The following SH3GL3 variants were observed in gnomAD, a reference collection of about 807,000 sequenced individuals.
SH3GL3 encodes the protein endophilin-A3.
In SH3GL3, 33 loss-of-function variants were observed where a neutral mutation model predicts 47.7. The observed-to-expected ratio is 0.69, with a 90% CI of 0.52 to 0.92. SH3GL3 has a LOEUF of 0.92. Among genes scored for constraint, SH3GL3 ranks in the 40% least tolerant of loss-of-function variants. The pLI, the probability that SH3GL3 is intolerant of heterozygous loss-of-function variation, is 0.00. For synonymous variants in SH3GL3, 155 were observed against 148.8 expected, an observed-to-expected ratio of 1.04 and a Z score of -0.30; for missense variants, 363 against 417.8, an observed-to-expected ratio of 0.87 and a Z score of 1.14.
intron 8 of SH3GL3, among the ~76,000 whole-genome samples, chr15:83,607,741 G>A (rs1418816532): frequency 2.0e-5 from 3 of 151,946 alleles, no homozygotes; most frequent in Non-Finnish European, 2.9e-5. Context: ...CAGGCCAGAC[G>A]AGGTATCATC....
chr15:83,613,375 G>A (rs1250470401), intron 8 of SH3GL3, among the ~76,000 whole-genome samples: 2 of 152,176 alleles, frequency 1.3e-5, no homozygotes, highest in African/African-American at 4.8e-5. Context: ...CCAGCTCTCA[G>A]AATATCAAAG....
chr15:83,616,836 A>G (rs1454502106), intron 8 of SH3GL3, among the ~76,000 whole-genome samples: 2 of 152,166 alleles, frequency 1.3e-5, no homozygotes, highest in African/African-American at 4.8e-5. Context: ...AAGGAAAAGA[A>G]GAGATGAAAA....
intron 1 of SH3GL3, among the ~76,000 whole-genome samples, chr15:83,554,085 T>TCTCAG (rs2044811846): frequency 6.6e-6 from 1 of 150,460 alleles, no homozygotes; most frequent in South Asian, 2.1e-4. Flanking sequence ...GGTGGTGTGA[T>TCTCAG]CTCAGCTCAT....
chr15:83,516,874 G>C (rs756282533), intron 1 of SH3GL3, among the ~76,000 whole-genome samples: 3 of 151,876 alleles, frequency 2.0e-5, no homozygotes, highest in African/African-American at 4.8e-5. Flanking sequence ...GGGCCATATC[G>C]TATCTTTTGT....
chr15:83,628,238 A>G, the SH3GL3 span, among the ~76,000 whole-genome samples: 1 of 152,242 alleles, frequency 6.6e-6, no homozygotes, highest in Non-Finnish European at 1.5e-5. Context: ...TATAGAAACT[A>G]GAAGAATGGG....
chr15:83,554,760 TCTG>T (rs1330660246), intron 1 of SH3GL3, among the ~76,000 whole-genome samples: 1 of 152,234 alleles, frequency 6.6e-6, no homozygotes, highest in Non-Finnish European at 1.5e-5. Flanking sequence ...AGAAGAGAAA[TCTG>T]CTGTCAATCT....
At chr15:83,626,785 T>C in the SH3GL3 span, among the ~76,000 whole-genome samples, 1 of 152,210 alleles carries the variant, frequency 6.6e-6, no homozygotes, top group Non-Finnish European at 1.5e-5. Flanking sequence ...GACAGCTTTC[T>C]GTAATTTCCA....
At chr15:83,510,922 C>T (rs115942333) in intron 1 of SH3GL3, among the ~76,000 whole-genome samples, 1,750 of 149,646 alleles carry the variant, frequency 0.012, 34 homozygotes, top group African/African-American at 0.04. Flanking sequence ...TGTTCTCACT[C>T]ATAGGTGGGA....
Position 83,447,662 on chromosome 15 carries a change from T to C in SH3GL3, c.45+84T>C. On this transcript the variant is annotated intron_variant, in intron 1 of 8. Coordinates refer to ENST00000427482, the MANE Select transcript of SH3GL3 (RefSeq NM_003027.5). The surrounding 1 kb of genome is among the most constrained non-coding windows in gnomAD (Gnocchi z 5.1). ...GGCTCCCGGGCCTTTGGGACTCCTG[T>C]TCCCTGAAGGGCCTCTCTCGGGGCT... The C allele has an allele frequency of 1.0e-6, 1 of 998,026 alleles. No homozygotes were observed. Among genetic ancestry groups the C allele is most frequent in the South Asian group, 1.9e-5 (1 of 51,818 alleles). 61.8% of individuals were successfully genotyped at this position (998,026 alleles called of 1,614,324 possible).
intron 1 of SH3GL3, among the ~76,000 whole-genome samples, chr15:83,543,533 T>C (rs1248849909): frequency 6.6e-6 from 1 of 152,104 alleles, no homozygotes; most frequent in Non-Finnish European, 1.5e-5. Context: ...TTTGGAAGTC[T>C]TCCCTCCTCC....
intron 1 of SH3GL3, among the ~76,000 whole-genome samples, chr15:83,487,493 A>G (rs1037979395): frequency 7.9e-5 from 12 of 151,922 alleles, no homozygotes; most frequent in Non-Finnish European, 1.5e-4. Context: ...TCTGTTGTGA[A>G]CCCAAAGAAG....
intron 1 of SH3GL3, among the ~76,000 whole-genome samples, chr15:83,477,714 C>T (rs1055063592): frequency 6.6e-6 from 1 of 152,136 alleles, no homozygotes; most frequent in Non-Finnish European, 1.5e-5. Context: ...ATTTGCCAGA[C>T]ATGCATACTT....
intron 8 of SH3GL3, among the ~76,000 whole-genome samples, chr15:83,608,083 G>A (rs1313063923): frequency 6.6e-6 from 1 of 152,028 alleles, no homozygotes; most frequent in Non-Finnish European, 1.5e-5. Context: ...AATATAACCC[G>A]AGTAAATTGA....
chr15:83,450,705 C>CTT (rs71156082), intron 1 of SH3GL3, among the ~76,000 whole-genome samples: 2 of 82,374 alleles, frequency 2.4e-5, no homozygotes, highest in Non-Finnish European at 2.3e-5. Context: ...CCAAATTTTT[C>CTT]TTTTTTTTTT....
intron 1 of SH3GL3, among the ~76,000 whole-genome samples, chr15:83,493,412 T>C (rs1454428906): frequency 6.6e-6 from 1 of 152,242 alleles, no homozygotes; most frequent in Non-Finnish European, 1.5e-5. Flanking sequence ...TGTACACCTT[T>C]CTGGTCTCCC....
At chr15:83,624,418 T>G in the SH3GL3 span, among the ~76,000 whole-genome samples, 16 of 152,006 alleles carry the variant, frequency 1.1e-4, no homozygotes, top group Non-Finnish European at 2.9e-5. Flanking sequence ...TTGACGCAGG[T>G]GAAAGCGCAA....
At chr15:83,574,936 AC>A (rs1346525203) in intron 5 of SH3GL3, among the ~76,000 whole-genome samples, 5 of 152,032 alleles carry the variant, frequency 3.3e-5, no homozygotes, top group Non-Finnish European at 5.9e-5. Flanking sequence ...TGTCATGAGC[AC>A]CGTTGCTTAC....
intron 1 of SH3GL3, among the ~76,000 whole-genome samples, chr15:83,462,882 C>G (rs1159948529): frequency 6.6e-6 from 1 of 152,166 alleles, no homozygotes; most frequent in Non-Finnish European, 1.5e-5. Flanking sequence ...AGCTGATAAT[C>G]ACCTGCCCCT....
chr15:83,490,687 G>C, intron 1 of SH3GL3: 1 of 1,348,852 alleles, frequency 7.4e-7, no homozygotes, highest in South Asian at 1.4e-5. Flanking sequence ...GCACATCAGG[G>C]AAAACAGACC....
Sources: gnomAD v4.1 joint callset for allele counts (sites outside exome capture counted in the v4.1 genomes callset) on GRCh38, gnomAD v4.1.1 for gene constraint, Gnocchi (gnomAD v3.1) non-coding constraint, MANE v1.5 for transcripts, NCBI Gene and HGNC (gene_info 2026-07-23, HGNC 2026-07-21) for gene names.